Variants in PDE1A observed in about 807,000 individuals in gnomAD.
PDE1A encodes dual specificity calcium/calmodulin-dependent 3',5'-cyclic nucleotide phosphodiesterase 1A.
A neutral mutation model predicts 61.7 loss-of-function variants in PDE1A; 35 were observed. The ratio of observed to expected loss-of-function variants is 0.57; its 90% CI spans 0.43 to 0.75. The LOEUF is 0.75. Among genes scored for constraint, PDE1A ranks in the 30% least tolerant of loss-of-function variants. PDE1A has a pLI of 0.00. For synonymous variants in PDE1A, 232 were observed against 213.2 expected, an observed-to-expected ratio of 1.09 and a Z score of -0.77; for missense variants, 597 against 630.6, an observed-to-expected ratio of 0.95 and a Z score of 0.57.
chr2:182,267,637 G>A (rs573136329), intron 1 of PDE1A, among the ~76,000 whole-genome samples: 37 of 152,004 alleles, frequency 2.4e-4, no homozygotes, highest in African/African-American at 8.0e-4. Flanking sequence ...ACTAGAACAC[G>A]AGCTTAATGG....
the PDE1A span, among the ~76,000 whole-genome samples, chr2:182,540,366 GAAAAAAAAA>G: frequency 3.7e-5 from 4 of 108,408 alleles, no homozygotes; most frequent in South Asian, 6.3e-4. Flanking sequence ...CTGTCTCAAA[GAAAAAAAAA>G]AAAAAAAAAA....
intron 1 of PDE1A, among the ~76,000 whole-genome samples, chr2:182,313,660 T>C (rs1405202350): frequency 3.3e-5 from 5 of 152,214 alleles, no homozygotes; most frequent in African/African-American, 9.6e-5. Context: ...TTGATCTGTA[T>C]TGGTGAGCAT....
chr2:182,168,154 A>T (rs1444014852), exon 14 of PDE1A: 7 of 1,534,150 alleles, frequency 4.6e-6, no homozygotes. Flanking sequence ...CTCACACAGG[A>T]CAGGGTAGAT....
rs554667131 is a variant in PDE1A at position 182,448,062 on chromosome 2, T to TTATGATGACAAGC, written c.101+74201_101+74213dup. ...TATTTTCCCACATCCCAGTCATGCC[T>TTATGATGACAAGC]TATGATGACAAGCTGCATTTTTAAC... On this transcript the variant is annotated intron_variant, in intron 2 of 14. Transcript: ENST00000410103. Among the ~76,000 whole-genome samples, 276 of 152,244 alleles carry TTATGATGACAAGC rather than the reference T, an allele frequency of 1.8e-3. 6 individuals carry two copies. Among genetic ancestry groups the TTATGATGACAAGC allele is most frequent in the East Asian group, 1.9e-3 (10 of 5,162 alleles).
intron 2 of PDE1A, among the ~76,000 whole-genome samples, chr2:182,436,385 C>T (rs1358210339): frequency 6.6e-6 from 1 of 151,872 alleles, no homozygotes; most frequent in Non-Finnish European, 1.5e-5. Flanking sequence ...TTATTAAACT[C>T]AAAATTCAAA....
intron 1 of PDE1A, among the ~76,000 whole-genome samples, chr2:182,403,868 T>G (rs1294652516): frequency 6.6e-6 from 1 of 152,016 alleles, no homozygotes; most frequent in East Asian, 1.9e-4. Context: ...AGCATTAGGA[T>G]AAATACCTAA....
At chr2:182,687,535 G>A in the PDE1A span, among the ~76,000 whole-genome samples, 53 of 152,222 alleles carry the variant, frequency 3.5e-4, no homozygotes, top group Admixed American at 2.9e-3. Flanking sequence ...CCATCTGTAC[G>A]TCACCAATAT....
the PDE1A span, among the ~76,000 whole-genome samples, chr2:182,589,646 T>C: frequency 6.6e-6 from 1 of 152,348 alleles, no homozygotes; most frequent in African/African-American, 2.4e-5. Context: ...GCTCTTCCTG[T>C]CAGGGAAACG....
chr2:182,628,053 T>TGC, the PDE1A span, among the ~76,000 whole-genome samples: 2 of 80,878 alleles, frequency 2.5e-5, no homozygotes, highest in Non-Finnish European at 5.0e-5. Flanking sequence ...AGTGTATGTG[T>TGC]GCACACACAC....
chr2:182,514,420 CT>C (rs1690008831), intron 2 of PDE1A, among the ~76,000 whole-genome samples: 1 of 152,194 alleles, frequency 6.6e-6, no homozygotes, highest in African/African-American at 2.4e-5. Flanking sequence ...CACTACCCAG[CT>C]TCAAACTATA....
intron 2 of PDE1A, among the ~76,000 whole-genome samples, chr2:182,452,387 A>T (rs1311408598): frequency 6.6e-6 from 1 of 152,270 alleles, no homozygotes; most frequent in South Asian, 2.1e-4. Flanking sequence ...TTATGTGCAC[A>T]TATGTGTAGG....
At chr2:182,399,615 A>T in intron 1 of PDE1A, among the ~76,000 whole-genome samples, 1 of 152,104 alleles carries the variant, frequency 6.6e-6, no homozygotes, top group East Asian at 1.9e-4. Flanking sequence ...TTCAACTTAT[A>T]CAAGTATTTA....
chr2:182,180,835 T>A (rs1335925243), intron 13 of PDE1A, among the ~76,000 whole-genome samples: 2 of 151,902 alleles, frequency 1.3e-5, no homozygotes, highest in Non-Finnish European at 2.9e-5. Context: ...TTCAGCAAGA[T>A]GGTCTTCAAA....
At chr2:182,315,081 T>C (rs1193456921) in intron 1 of PDE1A, among the ~76,000 whole-genome samples, 3 of 152,168 alleles carry the variant, frequency 2.0e-5, no homozygotes, top group Non-Finnish European at 4.4e-5. Context: ...AATGGCTTAG[T>C]AAAATATCCT....
intron 13 of PDE1A, among the ~76,000 whole-genome samples, chr2:182,178,738 G>A (rs1684499258): frequency 6.6e-6 from 1 of 152,086 alleles, no homozygotes. Context: ...GTCAACCCCA[G>A]TGACTCTGAT....
At chr2:182,354,375 T>C (rs542430275) in intron 1 of PDE1A, among the ~76,000 whole-genome samples, 42 of 152,286 alleles carry the variant, frequency 2.8e-4, no homozygotes, top group African/African-American at 9.6e-4. Context: ...CTATCAATCC[T>C]GTAGTTTCCC....
At chr2:182,497,736 C>T (rs1359277137) in intron 2 of PDE1A, among the ~76,000 whole-genome samples, 5 of 152,004 alleles carry the variant, frequency 3.3e-5, no homozygotes, top group African/African-American at 7.2e-5. Flanking sequence ...ATTTGGTAAC[C>T]ACCCAATTAA....
intron 8 of PDE1A, among the ~76,000 whole-genome samples, chr2:182,205,179 T>C (rs116156883): frequency 3.2e-4 from 48 of 152,312 alleles, no homozygotes; most frequent in African/African-American, 1.1e-3. Flanking sequence ...TACAGGCCTT[T>C]TTCTGTTCTT....
chr2:182,435,390 A>C (rs903834380), intron 2 of PDE1A, among the ~76,000 whole-genome samples: 18 of 152,180 alleles, frequency 1.2e-4, no homozygotes, highest in Admixed American at 1.2e-3. Flanking sequence ...TTCAACTAGC[A>C]GGATAAGAAG....
Sources: gnomAD v4.1 joint callset for allele counts (sites outside exome capture counted in the v4.1 genomes callset) on GRCh38, gnomAD v4.1.1 for gene constraint, MANE v1.5 for transcripts, NCBI Gene and HGNC (gene_info 2026-07-23, HGNC 2026-07-21) for gene names.